AFF1: variants seen among roughly 807,000 people sequenced by gnomAD.
AFF1 encodes the protein ALF transcription elongation factor 1.
Under a neutral mutation model 121.7 loss-of-function variants are expected in AFF1, and 48 were observed. That is an observed-to-expected ratio of 0.39 (90% confidence interval 0.31 to 0.50). The LOEUF is 0.50. Ranked by LOEUF, AFF1 falls within the 20% of genes least tolerant of loss-of-function variation. The pLI, the probability that AFF1 is intolerant of heterozygous loss-of-function variation, is 0.76. For synonymous variants in AFF1, 613 were observed against 563.0 expected, an observed-to-expected ratio of 1.09 and a Z score of -1.26; for missense variants, 1,523 against 1,511.7, an observed-to-expected ratio of 1.01 and a Z score of -0.12.
intron 2 of AFF1, among the ~76,000 whole-genome samples, chr4:87,022,670 A>ATATATATAGCTGTGTG (rs1199958805): frequency 6.9e-6 from 1 of 145,430 alleles, no homozygotes; most frequent in Non-Finnish European, 1.5e-5. Flanking sequence ...ATGTGTGTGT[A>ATATATATAGCTGTGTG]TATATATGTG....
At chr4:87,092,691 G>A (rs1724436938) in intron 7 of AFF1, among the ~76,000 whole-genome samples, 1 of 152,102 alleles carries the variant, frequency 6.6e-6, no homozygotes, top group Admixed American at 6.5e-5. Flanking sequence ...AAAATTTGCT[G>A]TTCCCTGCTG....
rs1027373306 is a variant in AFF1, at chr4:87,123,077, A to G, written c.2467-1960A>G. Among the ~76,000 whole-genome samples, 18 of 152,164 alleles carry G rather than the reference A, an allele frequency of 1.2e-4. 1 individual carries two copies. In the South Asian group the frequency reaches 3.1e-3, roughly 26 times the overall value. ...CTCGACTAATTTTTATGTTTTTAGT[A>G]GAGATGGAGTTTCACAATGTTGGCC... On this transcript the variant is annotated intron_variant, in intron 12 of 20. Transcript: ENST00000395146.
At chr4:87,111,012 A>ATTTTTTTATTTTTTTTTTTTTTTTTT (rs1726457420) in intron 11 of AFF1, among the ~76,000 whole-genome samples, 1 of 29,278 alleles carries the variant, frequency 3.4e-5, no homozygotes, top group African/African-American at 8.9e-5. Context: ...TTTTTTTTTT[A>ATTTTTTTATTTTTTTTTTTTTTTTTT]TTTTTTTTTT....
chr4:87,132,312 G>T lies in AFF1; in HGVS notation c.3215G>T (p.Cys1072Phe), dbSNP rs563904207. ...QSILNMAMFR[C>F]KKDIAIKYSR... Reference sequence around the variant, plus strand: ...ATTTTGAACATGGCGATGTTTCGTTGTAAAAAAGACATAGCAATAAAGTAT... The same window carrying T: ...ATTTTGAACATGGCGATGTTTCGTTTTAAAAAAGACATAGCAATAAAGTAT... Residue 1072 changes from cysteine to phenylalanine, a missense_variant, in exon 19 of 21, where the codon TGT becomes TTT. Cys to Phe is a radical substitution (Grantham distance 205). Coordinates refer to ENST00000395146, the MANE Select transcript of AFF1 (RefSeq NM_001166693.3). 6.2e-7 allele frequency: 1 copy of T among 1,612,776 alleles called. No homozygotes were observed. The highest frequency in any genetic ancestry group is 8.5e-7 in the Non-Finnish European group (1 of 1,179,584).
At chr4:87,088,282 G>A (rs1161131077) in intron 5 of AFF1, among the ~76,000 whole-genome samples, 7 of 152,210 alleles carry the variant, frequency 4.6e-5, no homozygotes, top group African/African-American at 1.4e-4. Context: ...AAGGGCACGA[G>A]TTCACTTTTA....
At chr4:86,945,933 A>G (rs1252928486) in intron 1 of AFF1, among the ~76,000 whole-genome samples, 2 of 152,228 alleles carry the variant, frequency 1.3e-5, no homozygotes, top group Admixed American at 1.3e-4. Flanking sequence ...ATGCTATTCC[A>G]AACTTTGTGT....
At chr4:87,009,852 ACTACACATTAGTGTTTGT>A in intron 2 of AFF1, among the ~76,000 whole-genome samples, 1 of 152,342 alleles carries the variant, frequency 6.6e-6, no homozygotes, top group East Asian at 1.9e-4. Context: ...ACCATGTACT[ACTACACATTAGTGTTTGT>A]TTGCTCTTGA....
At chr4:87,118,371 T>C (rs938296165) in intron 12 of AFF1, among the ~76,000 whole-genome samples, 17 of 151,510 alleles carry the variant, frequency 1.1e-4, no homozygotes, top group African/African-American at 3.4e-4. Context: ...TAGAGAAAAC[T>C]GTGAGGGTAA....
At chr4:86,949,163 A>AATAT (rs201614271) in intron 2 of AFF1, among the ~76,000 whole-genome samples, 1 of 139,820 alleles carries the variant, frequency 7.2e-6, no homozygotes, top group African/African-American at 2.6e-5. Flanking sequence ...GCTATTCAAA[A>AATAT]ATATATATAT....
At position 86,976,418 on chromosome 4, in the gene AFF1, A is replaced by C. The variant is rs114456753; in HGVS notation, c.38+27847A>C. ...GATAAAGAAAATGTGGTACATATAC[A>C]CCATGTCATATCACGCACCCATGAA... On this transcript the variant is annotated intron_variant, in intron 2 of 20. Transcript: ENST00000395146. Among the ~76,000 whole-genome samples the C allele has an allele frequency of 8.7e-3, 1,323 of 152,308 alleles. 25 individuals are homozygous for C. The highest frequency in any genetic ancestry group is 0.031 in the African/African-American group (1,273 of 41,542).
chr4:87,016,544 T>C (rs1289956671), intron 2 of AFF1, among the ~76,000 whole-genome samples: 1 of 149,518 alleles, frequency 6.7e-6, no homozygotes, highest in African/African-American at 2.5e-5. Flanking sequence ...AGAGTCAGAC[T>C]CTGTCTCAAA....
intron 2 of AFF1, among the ~76,000 whole-genome samples, chr4:86,986,961 T>C (rs1209425642): frequency 1.3e-5 from 2 of 151,930 alleles, no homozygotes; most frequent in Non-Finnish European, 2.9e-5. Context: ...CTGGCCTCAC[T>C]GTCCTGAGTA....
intron 1 of AFF1, among the ~76,000 whole-genome samples, chr4:86,943,243 C>T (rs1425625311): frequency 6.6e-6 from 1 of 152,142 alleles, no homozygotes; most frequent in Non-Finnish European, 1.5e-5. Flanking sequence ...CTTGTGAGGT[C>T]CATGTGCATT....
At chr4:87,054,472 A>G (rs1171427030) in intron 4 of AFF1, among the ~76,000 whole-genome samples, 1 of 152,198 alleles carries the variant, frequency 6.6e-6, no homozygotes, top group Non-Finnish European at 1.5e-5. Context: ...TGCCCCCAAC[A>G]TAAGGTAGAA....
At chr4:87,105,185 A>G (rs777641536) in intron 8 of AFF1, among the ~76,000 whole-genome samples, 2 of 152,222 alleles carry the variant, frequency 1.3e-5, no homozygotes, top group Non-Finnish European at 2.9e-5. Context: ...TTTAATGGCT[A>G]ACTACTTTAG....
chr4:87,041,402 TGGAGATCCC>T (rs1730134247), intron 2 of AFF1, among the ~76,000 whole-genome samples: 2 of 152,202 alleles, frequency 1.3e-5, no homozygotes, highest in Non-Finnish European at 2.9e-5. Context: ...CTTTTACCCC[TGGAGATCCC>T]TTGGAAACTT....
At position 87,079,312 on chromosome 4, in the gene AFF1, G is replaced by A. The variant is rs139849235; in HGVS notation, c.1060-4808G>A. ...TTAGCTTATTAAAACAAACTGTCAT[G>A]CTTAGAAGACATTCACTCACATATT... On this transcript the variant is annotated intron_variant, in intron 4 of 20. Coordinates refer to ENST00000395146, the MANE Select transcript of AFF1 (RefSeq NM_001166693.3). Among the ~76,000 whole-genome samples the A allele has an allele frequency of 5.9e-5, 9 of 152,318 alleles. No individual in the cohort carries two copies. In the East Asian group the frequency reaches 1.7e-3, roughly 29 times the overall value.
intron 4 of AFF1, among the ~76,000 whole-genome samples, chr4:87,071,828 G>T (rs1175338430): frequency 6.6e-6 from 1 of 152,166 alleles, no homozygotes; most frequent in African/African-American, 2.4e-5. Flanking sequence ...AGTATGGAGG[G>T]AAAGGGAAGA....
chr4:86,947,854 G>A (rs1389677926), intron 1 of AFF1, among the ~76,000 whole-genome samples: 1 of 151,072 alleles, frequency 6.6e-6, no homozygotes, highest in South Asian at 2.1e-4. Flanking sequence ...CCTTTAATGA[G>A]TGGAAGTAAA....
Sources: gnomAD v4.1 joint callset for allele counts (sites outside exome capture counted in the v4.1 genomes callset) on GRCh38, gnomAD v4.1.1 for gene constraint, MANE v1.5 for transcripts, NCBI Gene and HGNC (gene_info 2026-07-23, HGNC 2026-07-21) for gene names.